The following BRAF variants were observed in gnomAD, a reference collection of about 807,000 sequenced individuals.
BRAF encodes the protein serine/threonine-protein kinase B-raf.
BRAF carries 16 observed loss-of-function variants against 104.6 expected under a neutral mutation model. The observed-to-expected ratio is 0.15, with a 90% CI of 0.10 to 0.23. The LOEUF (loss-of-function observed/expected upper bound fraction) is 0.23. Ranked by LOEUF, BRAF falls within the 10% of genes least tolerant of loss-of-function variation. BRAF has a pLI of 1.00. For synonymous variants in BRAF, 310 were observed against 341.6 expected, an observed-to-expected ratio of 0.91 and a Z score of 1.02; for missense variants, 541 against 937.3, an observed-to-expected ratio of 0.58 and a Z score of 5.52.
intron 14 of BRAF, among the ~76,000 whole-genome samples, chr7:140,767,234 G>C (rs925179191): frequency 6.6e-5 from 10 of 151,988 alleles, no homozygotes; most frequent in African/African-American, 2.4e-4. Context: ...GAACTCCTGA[G>C]CTCAAGCAAT....
chr7:140,887,594 G>T (rs1489328179), intron 1 of BRAF, among the ~76,000 whole-genome samples: 1 of 151,814 alleles, frequency 6.6e-6, no homozygotes, highest in African/African-American at 2.4e-5. Context: ...CAAACAAGTG[G>T]TTTACAAAAT....
intron 3 of BRAF, among the ~76,000 whole-genome samples, chr7:140,813,455 T>C (rs142207065): frequency 6.6e-6 from 1 of 152,366 alleles, no homozygotes; most frequent in African/African-American, 2.4e-5. Flanking sequence ...GCGAAATTTG[T>C]ATCTATCAAA....
At chr7:140,825,948 C>T (rs1474649411) in intron 3 of BRAF, among the ~76,000 whole-genome samples, 2 of 152,020 alleles carry the variant, frequency 1.3e-5, no homozygotes, top group Non-Finnish European at 2.9e-5. Context: ...TAAATGTTAG[C>T]CCTAATTTAT....
At chr7:140,867,284 A>G (rs1811073132) in intron 1 of BRAF, among the ~76,000 whole-genome samples, 1 of 152,242 alleles carries the variant, frequency 6.6e-6, no homozygotes, top group Non-Finnish European at 1.5e-5. Flanking sequence ...TATAAGAAGT[A>G]GAAGAAATAT....
intron 10 of BRAF, chr7:140,783,454 A>C (rs1031212066): frequency 7.5e-6 from 2 of 268,286 alleles, no homozygotes; most frequent in Admixed American, 1.0e-4. Context: ...AACAAGACAG[A>C]AATACTAAAA....
intron 1 of BRAF, among the ~76,000 whole-genome samples, chr7:140,882,710 T>C (rs1813073945): frequency 6.9e-6 from 1 of 145,200 alleles, no homozygotes; most frequent in Non-Finnish European, 1.5e-5. Context: ...GACCTATCTT[T>C]GGCTGGGCGC....
intron 1 of BRAF, among the ~76,000 whole-genome samples, chr7:140,864,873 G>C (rs545002951): frequency 6.6e-6 from 1 of 152,142 alleles, no homozygotes; most frequent in African/African-American, 2.4e-5. Flanking sequence ...TGAAATCTGA[G>C]TCACAAGTAG....
intron 1 of BRAF, among the ~76,000 whole-genome samples, chr7:140,873,273 C>A (rs996709487): frequency 2.7e-4 from 40 of 150,402 alleles, no homozygotes; most frequent in Middle Eastern, 3.4e-3. Flanking sequence ...CAGATTCAAG[C>A]GATTCTCCTG....
chr7:140,822,634 G>A (rs1805607642), intron 3 of BRAF, among the ~76,000 whole-genome samples: 1 of 152,166 alleles, frequency 6.6e-6, no homozygotes, highest in South Asian at 2.1e-4. Flanking sequence ...CTACTGAGTA[G>A]TATTCCCTTT....
At chr7:140,853,471 G>C (rs1244096316) in intron 1 of BRAF, among the ~76,000 whole-genome samples, 1 of 152,132 alleles carries the variant, frequency 6.6e-6, no homozygotes, top group Non-Finnish European at 1.5e-5. Flanking sequence ...CTGGCCCTCT[G>C]CTATTTGTCT....
At chr7:140,919,368 T>C (rs1368729607) in intron 1 of BRAF, among the ~76,000 whole-genome samples, 1 of 152,150 alleles carries the variant, frequency 6.6e-6, no homozygotes, top group Non-Finnish European at 1.5e-5. Context: ...GCAATTTTTA[T>C]ATTCTACATC....
intron 2 of BRAF, among the ~76,000 whole-genome samples, chr7:140,846,510 G>A (rs980604349): frequency 6.6e-6 from 1 of 152,098 alleles, no homozygotes; most frequent in Non-Finnish European, 1.5e-5. Flanking sequence ...TGGTTGCTAC[G>A]AACTAGAGAA....
intron 19 of BRAF, chr7:140,734,414 A>G: frequency 6.7e-7 from 1 of 1,489,190 alleles, no homozygotes; most frequent in Non-Finnish European, 8.9e-7. Flanking sequence ...GATGTTAAAA[A>G]TCCAATGTTA....
At chr7:140,798,672 T>TA (rs1802758265) in intron 7 of BRAF, among the ~76,000 whole-genome samples, 2 of 149,340 alleles carry the variant, frequency 1.3e-5, no homozygotes, top group Admixed American at 1.3e-4. Context: ...GTTCCAAAGC[T>TA]AATTAGGTGC....
intron 1 of BRAF, among the ~76,000 whole-genome samples, chr7:140,892,796 C>T (rs1814398070): frequency 6.6e-6 from 1 of 152,044 alleles, no homozygotes; most frequent in Non-Finnish European, 1.5e-5. Context: ...CTAAATGATC[C>T]AGGGAACAAA....
At position 140,852,390 on chromosome 7, in the gene BRAF, C is replaced by CAA. The variant is rs58493064; in HGVS notation, c.139-2180_139-2179dup. ...TTTCTACCGCCACCCCACAACCTGC[C>CAA]AAAAAAAAAAAAAAACCAAAAACCA... On this transcript the variant is annotated intron_variant, in intron 1 of 19. Transcript: ENST00000644969. 5.8e-3 allele frequency among the ~76,000 whole-genome samples: 516 copies of CAA among 89,430 alleles called. 2 individuals carry two copies. The highest frequency in any genetic ancestry group is 0.018 in the African/African-American group (449 of 24,656). 58.7% of individuals were successfully genotyped at this position (89,430 alleles called of 152,430 possible). A position where few individuals can be genotyped will look rare whatever the true frequency, so the allele number is the denominator to read the frequency against.
At chr7:140,763,466 A>AC (rs1451688016) in intron 14 of BRAF, among the ~76,000 whole-genome samples, 157 of 149,728 alleles carry the variant, frequency 1.0e-3, no homozygotes, top group African/African-American at 3.4e-3. Context: ...CGGGGGGCTG[A>AC]CCCCCCCACC....
intron 1 of BRAF, among the ~76,000 whole-genome samples, chr7:140,909,325 T>C (rs931890334): frequency 1.3e-5 from 2 of 152,136 alleles, no homozygotes; most frequent in Non-Finnish European, 2.9e-5. Context: ...CTTGGGAGGC[T>C]GAGGCAGGAG....
At chr7:140,843,365 G>A (rs1214268389) in intron 2 of BRAF, among the ~76,000 whole-genome samples, 2 of 152,130 alleles carry the variant, frequency 1.3e-5, no homozygotes, top group African/African-American at 4.8e-5. Context: ...GGACTATAGC[G>A]ATTCAACCAA....
Sources: allele counts gnomAD v4.1 joint callset (sites outside exome capture counted in the v4.1 genomes callset), GRCh38; gene constraint gnomAD v4.1.1; transcripts MANE v1.5; gene names NCBI Gene and HGNC (gene_info 2026-07-23, HGNC 2026-07-21).